DGKE: variants seen among roughly 807,000 people sequenced by gnomAD.
DGKE encodes DAG kinase epsilon.
Under a neutral mutation model 70.0 loss-of-function variants are expected in DGKE, and 53 were observed. The ratio of observed to expected loss-of-function variants is 0.76; its 90% confidence interval spans 0.61 to 0.95. The LOEUF is 0.95. DGKE is among the 40% of genes least tolerant of loss of function. The probability of loss-of-function intolerance (pLI) is 0.00; values close to 1 mark genes in which losing one functional copy is unlikely to be tolerated. For synonymous variants in DGKE, 291 were observed against 257.0 expected (o/e 1.13, Z -1.27); for missense variants, 655 against 706.9 (o/e 0.93, Z 0.83).
intron 5 of DGKE, 48 bp from the exon 6 acceptor site, chr17:56,848,648 A>G (rs1305751254): frequency 6.3e-7 from 1 of 1,586,512 alleles, no homozygotes; most frequent in Non-Finnish European, 8.6e-7. Flanking sequence ...ATTATTACCC[A>G]GCAAATAGTC....
At chr17:56,843,920 A>G in intron 2 of DGKE, 99 bp from the exon 3 acceptor site, 1 of 1,207,790 alleles carries the variant, frequency 8.3e-7, no homozygotes, top group Non-Finnish European at 1.1e-6. Flanking sequence ...AAGTAGTGAT[A>G]AAATTATGTT....
intron 10 of DGKE, 104 bp from the exon 11 acceptor site, chr17:56,862,036 A>G: frequency 6.5e-7 from 1 of 1,531,182 alleles, no homozygotes; most frequent in Admixed American, 2.0e-5. Context: ...TTAGTTATAA[A>G]TATTTTTTAA....
At chr17:56,855,728 G>A (rs1482086242) in intron 7 of DGKE, among the ~76,000 whole-genome samples, 6 of 152,182 alleles carry the variant, frequency 3.9e-5, no homozygotes, top group South Asian at 2.1e-4. Flanking sequence ...AAGGCTGGCC[G>A]GGCGCGGTGG....
rs1567813313 is a variant in DGKE, at chr17:56,844,538, A to G, written c.624+360A>G. On this transcript the variant is annotated intron_variant, in intron 3 of 11. Coordinates refer to ENST00000284061, the MANE Select transcript of DGKE (RefSeq NM_003647.3). ...TTGCCATATTTGATTTAGTAGGTAT[A>G]GGGTAAGTCCAGGAATTCATCTTTT... 2.0e-5 allele frequency among the ~76,000 whole-genome samples: 3 copies of G among 152,210 alleles called. No individual in the cohort carries two copies. The East Asian group carries it at 5.8e-4, about 29-fold the overall frequency.
chr17:56,845,220 C>T (rs1452357619), intron 3 of DGKE, among the ~76,000 whole-genome samples: 1 of 151,886 alleles, frequency 6.6e-6, no homozygotes, highest in African/African-American at 2.4e-5. Flanking sequence ...AATCTGAGTA[C>T]CCCATTTTAA....
intron 3 of DGKE, 75 bp downstream of exon 3, chr17:56,844,253 C>A: frequency 1.0e-6 from 1 of 1,004,670 alleles, no homozygotes; most frequent in Non-Finnish European, 1.4e-6. Flanking sequence ...ATAGTTAAGA[C>A]AGTATGTAAG....
chr17:56,854,489 A>G (rs1907830247), intron 7 of DGKE, among the ~76,000 whole-genome samples: 1 of 151,752 alleles, frequency 6.6e-6, no homozygotes, highest in Admixed American at 6.6e-5. Flanking sequence ...TATTTTTATT[A>G]TTTTCAATAG....
At chr17:56,854,532 C>T (rs1176517147) in intron 7 of DGKE, among the ~76,000 whole-genome samples, 3 of 152,014 alleles carry the variant, frequency 2.0e-5, no homozygotes, top group African/African-American at 4.8e-5. Context: ...CCGGGCTGGT[C>T]TCAAACTCCT....
rs567680086 is a variant in DGKE, at chr17:56,836,863, A to G, written c.464+1604A>G. ...CTTAAAACGTCAGGCATTTTCTGAC[A>G]TTTCTGCCCCTTTGCTCAAAGCTTT... is the stretch of plus-strand genomic sequence containing the variant. On this transcript the variant is annotated intron_variant, in intron 2 of 11. Transcript: ENST00000284061. Among the ~76,000 whole-genome samples the G allele has an allele frequency of 9.2e-5, 14 of 152,290 alleles. No individual in the cohort carries two copies. In the South Asian group the frequency reaches 2.9e-3, roughly 32 times the overall value.
chr17:56,848,988 C>T (rs1907483999), intron 6 of DGKE, 135 bp downstream of exon 6: 5 of 1,318,954 alleles, frequency 3.8e-6, no homozygotes. Flanking sequence ...TACACAGATA[C>T]TGGTGTTTTG....
chr17:56,837,874 G>A (rs899020888), intron 2 of DGKE, among the ~76,000 whole-genome samples: 2 of 152,058 alleles, frequency 1.3e-5, no homozygotes, highest in African/African-American at 2.4e-5. Flanking sequence ...ATACTCATTC[G>A]ATCATTATAC....
intron 11 of DGKE, 111 bp downstream of exon 11, chr17:56,862,362 G>A: frequency 9.5e-7 from 1 of 1,048,666 alleles, no homozygotes; most frequent in Non-Finnish European, 1.4e-6. Context: ...TATGGCTCAT[G>A]CAGCTGGTCA....
rs527500094 is a variant in DGKE, at chr17:56,863,713, C to T, written c.*922C>T. ...TTGTAGTATTTTGAAATACAGTAGTCTTTTAACAGAATTTCCCCTTAGGGA... is the reference window on the plus strand; with the variant it reads ...TTGTAGTATTTTGAAATACAGTAGTTTTTTAACAGAATTTCCCCTTAGGGA... On this transcript the variant is annotated 3_prime_UTR_variant, in exon 12 of 12. Transcript: ENST00000284061. 1.2e-4 allele frequency: 19 copies of T among 152,296 alleles called. No homozygotes were observed. Among genetic ancestry groups the T allele is most frequent in the African/African-American group, 3.6e-4 (15 of 41,566 alleles). The allele number at this position is 152,296 out of a possible 1,614,324, so 9.4% of individuals were successfully genotyped here.
chr17:56,861,912 T>C lies in DGKE; in HGVS notation c.1406T>C (p.Leu469Pro), dbSNP rs367589588. Reference sequence around the variant, plus strand: ...GGGATGGGGGACGAGACTTACCCTCTAGCCAGGTATGTACATTTGTGGTCT... The same window carrying C: ...GGGATGGGGGACGAGACTTACCCTCCAGCCAGGTATGTACATTTGTGGTCT... ...WEGMGDETYP[L>P]ARHDDGLLEV... Residue 469 changes from leucine to proline, a missense_variant, in exon 10 of 12, where the codon CTA (leucine) becomes CCA (proline). Coordinates refer to ENST00000284061, the MANE Select transcript of DGKE (RefSeq NM_003647.3). 72 of 1,604,904 alleles carry C rather than the reference T, an allele frequency of 4.5e-5. No individual in the cohort carries two copies. The highest frequency in any genetic ancestry group is 5.9e-5 in the Non-Finnish European group (70 of 1,177,806).
intron 7 of DGKE, among the ~76,000 whole-genome samples, chr17:56,851,093 A>C (rs113713386): frequency 0.038 from 5,812 of 152,274 alleles, 167 homozygotes; most frequent in Non-Finnish European, 0.053. Flanking sequence ...TCTGGAGATA[A>C]TGTGAAAATA....
intron 6 of DGKE, 139 bp downstream of exon 6, chr17:56,848,992 TG>T: frequency 7.6e-7 from 1 of 1,312,182 alleles, no homozygotes; most frequent in Non-Finnish European, 1.0e-6. Context: ...CAGATACTGG[TG>T]TTTTGTTTTA....
intron 7 of DGKE, 90 bp from the exon 8 acceptor site, chr17:56,856,422 A>G (rs915476394): frequency 2.1e-6 from 3 of 1,398,268 alleles, no homozygotes; most frequent in Non-Finnish European, 2.9e-6. Context: ...TCCATTGTCA[A>G]AAGAACACAA....
At position 56,863,720 on chromosome 17, in the gene DGKE, CAG is replaced by C. The variant is rs1268009429; in HGVS notation, c.*931_*932del. The C allele has an allele frequency of 3.3e-5, 5 of 152,294 alleles. No homozygotes were observed. The highest frequency in any genetic ancestry group is 1.2e-4 in the African/African-American group (5 of 41,570). The allele number at this position is 152,294 out of a possible 1,614,324, so 9.4% of individuals were successfully genotyped here. A position where few individuals can be genotyped will look rare whatever the true frequency, so the allele number is the denominator to read the frequency against. On this transcript the variant is annotated 3_prime_UTR_variant, in exon 12 of 12. Transcript: ENST00000284061. ...ATTTTGAAATACAGTAGTCTTTTAA[CAG>C]AATTTCCCCTTAGGGAGGTAAGTGG...
Position 56,834,154 on chromosome 17 carries a change from C to G in DGKE, c.-125C>G, listed in dbSNP as rs575705992. The stretch of plus-strand genomic sequence containing the variant: ...GCGTGCGTGCGGCTGGAGCCTTAAG[C>G]GTTTCCCCCGCCCGGCTTCATCCCT... On this transcript the variant is annotated 5_prime_UTR_variant, in exon 1 of 12. Coordinates refer to ENST00000284061, the MANE Select transcript of DGKE (RefSeq NM_003647.3). 7 of 152,468 alleles carry G rather than the reference C, an allele frequency of 4.6e-5. No homozygotes were observed. The highest frequency in any genetic ancestry group is 1.7e-4 in the African/African-American group (7 of 41,578). The allele number at this position is 152,468 out of a possible 1,614,324, so 9.4% of individuals were successfully genotyped here. A position where few individuals can be genotyped will look rare whatever the true frequency, so the allele number is the denominator to read the frequency against.
Sources: allele counts gnomAD v4.1 joint callset (sites outside exome capture counted in the v4.1 genomes callset), GRCh38; gene constraint gnomAD v4.1.1; transcripts MANE v1.5; gene names NCBI Gene and HGNC (gene_info 2026-07-23, HGNC 2026-07-21).